The following DLGAP2 variants were observed in gnomAD, a reference collection of about 807,000 sequenced individuals.
DLGAP2 encodes disks large-associated protein 2.
DLGAP2 carries 26 observed loss-of-function variants against 100.3 expected under a neutral mutation model. The observed-to-expected ratio is 0.26, with a 90% CI of 0.19 to 0.36. DLGAP2 has a LOEUF of 0.36. Among genes scored for constraint, DLGAP2 ranks in the 10% least tolerant of loss-of-function variants. DLGAP2 has a pLI of 1.00. For synonymous variants in DLGAP2, 886 were observed against 630.1 expected (o/e 1.41, Z -6.08); for missense variants, 1,858 against 1,453.2 (o/e 1.28, Z -4.53).
intron 2 of DLGAP2, among the ~76,000 whole-genome samples, chr8:1,242,915 G>C (rs1217605773): frequency 1.7e-5 from 2 of 119,748 alleles, no homozygotes; most frequent in Admixed American, 9.3e-5. Flanking sequence ...CGGATGGATG[G>C]ACAGATAGAC....
chr8:1,326,217 C>T (rs980527392), intron 3 of DLGAP2, among the ~76,000 whole-genome samples: 5 of 152,200 alleles, frequency 3.3e-5, no homozygotes, highest in Non-Finnish European at 7.3e-5. Context: ...TACTGTGTGA[C>T]AGCAGTTTTA....
Position 1,701,244 on chromosome 8 carries a change from C to G in DLGAP2, c.3006C>G (p.Pro1002=). 1.9e-6 allele frequency: 3 copies of G among 1,579,686 alleles called. No individual in the cohort carries two copies. The highest frequency in any genetic ancestry group is 2.6e-6 in the Non-Finnish European group (3 of 1,163,488). Residue 1002 remains proline (P), a synonymous_variant, in exon 15 of 15, where the codon CCC becomes CCG. Transcript: ENST00000637795. ...IPKKPPKGKF[P]ITREKSLDLP... ...AGAAGCCTCCCAAGGGGAAGTTTCC[C>G]ATCACAAGAGAAAAATCCCTGGACC...
intron 4 of DLGAP2, among the ~76,000 whole-genome samples, chr8:1,533,141 A>G (rs1801038559): frequency 6.6e-6 from 1 of 152,040 alleles, no homozygotes; most frequent in South Asian, 2.1e-4. Flanking sequence ...TAGGGAAAAA[A>G]AAAAAAAAAA....
chr8:1,509,907 A>T (rs1027442838), intron 4 of DLGAP2, among the ~76,000 whole-genome samples: 7 of 152,120 alleles, frequency 4.6e-5, no homozygotes, highest in African/African-American at 1.7e-4. Context: ...TGCATTCAGG[A>T]GGTTTCAGGA....
At chr8:1,213,392 T>C (rs985522901) in intron 2 of DLGAP2, among the ~76,000 whole-genome samples, 1 of 152,224 alleles carries the variant, frequency 6.6e-6, no homozygotes, top group Non-Finnish European at 1.5e-5. Context: ...ATCCAGTATG[T>C]CTCTATTAAT....
intron 2 of DLGAP2, among the ~76,000 whole-genome samples, chr8:915,659 T>C (rs962562850): frequency 6.6e-6 from 1 of 152,166 alleles, no homozygotes; most frequent in Admixed American, 6.5e-5. Flanking sequence ...CGGCTGGTCA[T>C]GCGTTTGCCT....
intron 3 of DLGAP2, among the ~76,000 whole-genome samples, chr8:1,325,359 C>G (rs987872792): frequency 2.0e-5 from 3 of 152,210 alleles, no homozygotes; most frequent in Non-Finnish European, 2.9e-5. Context: ...AGCCATCTGC[C>G]TGCAGGGGGC....
At chr8:1,179,027 C>G (rs1797323386) in intron 2 of DLGAP2, among the ~76,000 whole-genome samples, 1 of 152,212 alleles carries the variant, frequency 6.6e-6, no homozygotes, top group Non-Finnish European at 1.5e-5. Context: ...GTAAAACTCC[C>G]AGCTTCTATA....
At chr8:1,057,926 G>T (rs568291101) in intron 2 of DLGAP2, among the ~76,000 whole-genome samples, 40 of 152,250 alleles carry the variant, frequency 2.6e-4, no homozygotes, top group Non-Finnish European at 4.9e-4. Context: ...TTTTACATTA[G>T]GACCCAGAGA....
chr8:1,439,575 G>A (rs1418598135), intron 3 of DLGAP2, among the ~76,000 whole-genome samples: 1 of 152,096 alleles, frequency 6.6e-6, no homozygotes, highest in African/African-American at 2.4e-5. Context: ...ACGGCAACAC[G>A]GTCTCCAGTC....
At chr8:1,465,658 G>A (rs1184911503) in intron 3 of DLGAP2, among the ~76,000 whole-genome samples, 1 of 152,234 alleles carries the variant, frequency 6.6e-6, no homozygotes, top group Non-Finnish European at 1.5e-5. Context: ...GCGTTTTGTG[G>A]AGACTCCACT....
chr8:1,277,288 C>T (rs996369066), intron 3 of DLGAP2, among the ~76,000 whole-genome samples: 6 of 152,174 alleles, frequency 3.9e-5, no homozygotes, highest in Admixed American at 2.6e-4. Flanking sequence ...TATGTAGCCC[C>T]CCCAGTTATT....
intron 1 of DLGAP2, among the ~76,000 whole-genome samples, chr8:878,009 T>C (rs957206458): frequency 4.6e-5 from 7 of 152,222 alleles, no homozygotes; most frequent in Non-Finnish European, 1.0e-4. Context: ...TTGAAAGATA[T>C]TTCTTCATTT....
intron 2 of DLGAP2, among the ~76,000 whole-genome samples, chr8:1,233,060 A>G (rs1189849500): frequency 1.3e-5 from 2 of 152,130 alleles, no homozygotes; most frequent in African/African-American, 2.4e-5. Flanking sequence ...GGTTTCTTCC[A>G]CTTAGCACCA....
chr8:1,194,674 C>G (rs1425709446), intron 2 of DLGAP2, among the ~76,000 whole-genome samples: 1 of 152,230 alleles, frequency 6.6e-6, no homozygotes, highest in Non-Finnish European at 1.5e-5. Context: ...GGAAACTCAC[C>G]TGACCACAGG....
chr8:1,450,306 T>G (rs112841699), intron 3 of DLGAP2, among the ~76,000 whole-genome samples: 2 of 63,018 alleles, frequency 3.2e-5, no homozygotes, highest in Non-Finnish European at 5.9e-5. Flanking sequence ...GTGGGCGGCC[T>G]CGGTGGCTGA....
At chr8:1,028,955 G>T (rs1801896547) in intron 2 of DLGAP2, among the ~76,000 whole-genome samples, 2 of 152,202 alleles carry the variant, frequency 1.3e-5, no homozygotes, top group Non-Finnish European at 2.9e-5. Context: ...AGGGACGTGG[G>T]CCCTGAGGGA....
chr8:1,172,790 T>A (rs1386863417), intron 2 of DLGAP2, among the ~76,000 whole-genome samples: 2 of 152,148 alleles, frequency 1.3e-5, no homozygotes, highest in African/African-American at 4.8e-5. Flanking sequence ...TTCTTCTAAA[T>A]TTTTTTCAAA....
chr8:807,268 C>T (rs1403918186), intron 1 of DLGAP2, among the ~76,000 whole-genome samples: 7 of 148,986 alleles, frequency 4.7e-5, no homozygotes, highest in African/African-American at 1.5e-4. Flanking sequence ...TACGTTCTCT[C>T]TCCTCTTTTT....
Sources: allele counts gnomAD v4.1 joint callset (sites outside exome capture counted in the v4.1 genomes callset), GRCh38; gene constraint gnomAD v4.1.1; transcripts MANE v1.5; gene names NCBI Gene and HGNC (gene_info 2026-07-23, HGNC 2026-07-21).